The following PIP5K1B variants were observed in gnomAD, a reference collection of about 807,000 sequenced individuals.
PIP5K1B encodes the protein phosphatidylinositol-4-phosphate 5-kinase type 1 beta.
PIP5K1B carries 42 observed loss-of-function variants against 67.0 expected under a neutral mutation model. That is an observed-to-expected ratio of 0.63 (90% confidence interval 0.49 to 0.81). PIP5K1B has a LOEUF of 0.81. Among genes scored for constraint, PIP5K1B ranks in the 30% least tolerant of loss-of-function variants. The pLI, the probability that PIP5K1B is intolerant of heterozygous loss-of-function variation, is 0.00. For missense variants in PIP5K1B, 459 were observed against 646.3 expected, an observed-to-expected ratio of 0.71 and a Z score of 3.14; for synonymous variants, 214 against 231.4, an observed-to-expected ratio of 0.92 and a Z score of 0.68.
intron 2 of PIP5K1B, among the ~76,000 whole-genome samples, chr9:68,746,590 C>A (rs1190777511): frequency 6.6e-6 from 1 of 152,152 alleles, no homozygotes; most frequent in African/African-American, 2.4e-5. Context: ...GATACCCACA[C>A]CAAGGAGAGT....
At chr9:68,715,161 G>C (rs1827573618) in intron 1 of PIP5K1B, among the ~76,000 whole-genome samples, 1 of 152,224 alleles carries the variant, frequency 6.6e-6, no homozygotes, top group African/African-American at 2.4e-5. Context: ...CATTCTCTCT[G>C]TATTTCCTCA....
intron 2 of PIP5K1B, among the ~76,000 whole-genome samples, chr9:68,818,056 T>C (rs1833544772): frequency 6.6e-6 from 1 of 152,250 alleles, no homozygotes. Flanking sequence ...TGTCACATGG[T>C]GTCACCTCTG....
At chr9:68,824,169 C>T (rs772329310) in intron 4 of PIP5K1B, 3 of 518,896 alleles carry the variant, frequency 5.8e-6, no homozygotes, top group Non-Finnish European at 1.2e-5. Context: ...TGGACCAACA[C>T]AGAGATGATT....
chr9:68,934,822 C>CT (rs1827170103), intron 12 of PIP5K1B, 68 bp from the exon 13 acceptor site: 1 of 1,110,074 alleles, frequency 9.0e-7, no homozygotes, highest in Admixed American at 3.0e-5. Context: ...AAAATATTCA[C>CT]TTTTAAATAA....
chr9:68,743,078 G>A (rs1190523627), intron 2 of PIP5K1B, among the ~76,000 whole-genome samples: 8 of 152,118 alleles, frequency 5.3e-5, no homozygotes, highest in Non-Finnish European at 1.2e-4. Flanking sequence ...TTTGTACTAG[G>A]CCCTAGGAGG....
chr9:68,963,350 A>T, intron 14 of PIP5K1B: 1 of 392,432 alleles, frequency 2.5e-6, no homozygotes, highest in East Asian at 7.6e-5. Flanking sequence ...TAAAAATACA[A>T]ACATTAGCTG....
At position 68,962,721 on chromosome 9, in the gene PIP5K1B, C is replaced by T. The variant is rs879592119; in HGVS notation, c.1502+21931C>T. 2.6e-5 allele frequency among the ~76,000 whole-genome samples: 4 copies of T among 152,230 alleles called. No individual in the cohort carries two copies. In the South Asian group the frequency reaches 6.2e-4, roughly 24 times the overall value. ...CTTGATCTTGCAGCTGACTTAATTC[C>T]TGTTTTCATTTCTGGTCCCTAGAGC... On this transcript the variant is annotated intron_variant, in intron 14 of 15. Coordinates refer to ENST00000265382, the MANE Select transcript of PIP5K1B (RefSeq NM_003558.4).
intron 2 of PIP5K1B, among the ~76,000 whole-genome samples, chr9:68,786,974 A>G (rs771762940): frequency 6.6e-6 from 1 of 152,222 alleles, no homozygotes; most frequent in Non-Finnish European, 1.5e-5. Flanking sequence ...GAGATCACTC[A>G]CAGCCATGTC....
chr9:68,900,619 C>T (rs951032690), intron 8 of PIP5K1B, among the ~76,000 whole-genome samples: 1 of 152,064 alleles, frequency 6.6e-6, no homozygotes, highest in Non-Finnish European at 1.5e-5. Context: ...GTTTACAACC[C>T]AAATATTTTT....
intron 8 of PIP5K1B, among the ~76,000 whole-genome samples, chr9:68,902,104 CT>C (rs1429213917): frequency 6.6e-6 from 1 of 152,128 alleles, no homozygotes; most frequent in Non-Finnish European, 1.5e-5. Flanking sequence ...CGTTTTTCAG[CT>C]TTTTTCAGAT....
Position 68,891,119 on chromosome 9 carries a change from G to A in PIP5K1B, c.471+1986G>A, listed in dbSNP as rs191483783. 1.1e-3 allele frequency among the ~76,000 whole-genome samples: 163 copies of A among 152,164 alleles called. 4 individuals carry two copies. The East Asian group carries it at 0.029, about 27-fold the overall frequency. On this transcript the variant is annotated intron_variant, in intron 7 of 15. Coordinates refer to ENST00000265382, the MANE Select transcript of PIP5K1B (RefSeq NM_003558.4). ...AAAAATTATCCAGGCATGGTGGCACGCACCTGTGGTCCCAGCTACTTGGGA... is the reference window on the plus strand; with the variant it reads ...AAAAATTATCCAGGCATGGTGGCACACACCTGTGGTCCCAGCTACTTGGGA...
chr9:68,914,511 T>G (rs746903831), intron 8 of PIP5K1B, among the ~76,000 whole-genome samples: 21 of 152,006 alleles, frequency 1.4e-4, no homozygotes, highest in Non-Finnish European at 2.4e-4. Context: ...GTCGGGAGAT[T>G]GAGACCTTCC....
At chr9:68,983,541 T>C (rs1315739006) in intron 14 of PIP5K1B, among the ~76,000 whole-genome samples, 1 of 152,226 alleles carries the variant, frequency 6.6e-6, no homozygotes, top group Non-Finnish European at 1.5e-5. Context: ...TCTTTAATAC[T>C]ATGTAAGTTC....
intron 14 of PIP5K1B, among the ~76,000 whole-genome samples, chr9:68,961,783 A>G (rs1401945972): frequency 6.6e-6 from 1 of 152,168 alleles, no homozygotes; most frequent in Non-Finnish European, 1.5e-5. Context: ...TGCTGTGACT[A>G]ATGATCCCCA....
Position 68,896,489 on chromosome 9 carries a change from A to G in PIP5K1B, c.771+1851A>G, listed in dbSNP as rs183322370. ...TGAGACCCTGGAGATTTGCCTTTTT[A>G]TTTTTTATTCTTTGGCAGGTTTGTT... On this transcript the variant is annotated intron_variant, in intron 8 of 15. Transcript: ENST00000265382. 2.1e-4 allele frequency among the ~76,000 whole-genome samples: 32 copies of G among 152,228 alleles called. 1 individual carries two copies. In the East Asian group the frequency reaches 5.6e-3, roughly 27 times the overall value.
At chr9:68,941,146 A>G (rs561942003) in intron 14 of PIP5K1B, 4 of 463,166 alleles carry the variant, frequency 8.6e-6, no homozygotes, top group African/African-American at 7.9e-5. Context: ...AGATATTGTA[A>G]TATTCTCTTT....
chr9:68,976,457 T>A lies in PIP5K1B; in HGVS notation c.1503-14683T>A, dbSNP rs1307614359. Among the ~76,000 whole-genome samples the A allele has an allele frequency of 1.6e-4, 25 of 152,182 alleles. 1 individual carries two copies. Among genetic ancestry groups the A allele is most frequent in the Non-Finnish European group, 3.2e-4 (22 of 68,034 alleles). On this transcript the variant is annotated intron_variant, in intron 14 of 15. Coordinates refer to ENST00000265382, the MANE Select transcript of PIP5K1B (RefSeq NM_003558.4). Reference sequence around the variant, plus strand: ...TCAATGTCTTACCCAAATACAGTACTCACAGCTACTTAGTGCCATGTTGCT... The same window carrying A: ...TCAATGTCTTACCCAAATACAGTACACACAGCTACTTAGTGCCATGTTGCT...
At chr9:68,720,155 A>T (rs1156921421) in intron 1 of PIP5K1B, among the ~76,000 whole-genome samples, 1 of 152,232 alleles carries the variant, frequency 6.6e-6, no homozygotes, top group African/African-American at 2.4e-5. Flanking sequence ...CTATAAAAAC[A>T]AATTCTTAAG....
intron 8 of PIP5K1B, among the ~76,000 whole-genome samples, chr9:68,909,819 G>A (rs72720068): frequency 0.095 from 14,496 of 152,228 alleles, 843 homozygotes; most frequent in Non-Finnish European, 0.14. Flanking sequence ...GTTAGTACCT[G>A]TTGATGACCA....
Sources: gnomAD v4.1 joint callset for allele counts (sites outside exome capture counted in the v4.1 genomes callset) on GRCh38, gnomAD v4.1.1 for gene constraint, MANE v1.5 for transcripts, NCBI Gene and HGNC (gene_info 2026-07-23, HGNC 2026-07-21) for gene names.